Variants in DGKI observed in about 807,000 individuals in gnomAD.
The protein encoded by DGKI is DAG kinase iota.
In DGKI, 55 loss-of-function variants were observed where a neutral mutation model predicts 147.5. The ratio of observed to expected loss-of-function variants is 0.37; its 90% CI spans 0.30 to 0.47. DGKI has a LOEUF of 0.47. DGKI is among the 20% of genes least tolerant of loss of function. The pLI, the probability that DGKI is intolerant of heterozygous loss-of-function variation, is 1.00. For synonymous variants in DGKI, 469 were observed against 477.1 expected (o/e 0.98, Z 0.22); for missense variants, 1,007 against 1,323.8 (o/e 0.76, Z 3.71).
intron 20 of DGKI, among the ~76,000 whole-genome samples, chr7:137,525,349 C>A (rs527835420): frequency 6.6e-6 from 1 of 152,126 alleles, no homozygotes; most frequent in African/African-American, 2.4e-5. Context: ...GTCTTCTGGG[C>A]GGGGTATCTG....
intron 17 of DGKI, among the ~76,000 whole-genome samples, chr7:137,574,376 A>T (rs1818898134): frequency 6.6e-6 from 1 of 152,236 alleles, no homozygotes; most frequent in Non-Finnish European, 1.5e-5. Context: ...AATGAATAAA[A>T]AAGTAGACAT....
At chr7:137,603,108 C>T (rs1820051457) in intron 10 of DGKI, among the ~76,000 whole-genome samples, 1 of 152,148 alleles carries the variant, frequency 6.6e-6, no homozygotes, top group African/African-American at 2.4e-5. Flanking sequence ...TTCATTCATT[C>T]ACCTACTATG....
At chr7:137,759,169 T>G (rs1795777479) in intron 1 of DGKI, among the ~76,000 whole-genome samples, 2 of 152,304 alleles carry the variant, frequency 1.3e-5, no homozygotes, top group South Asian at 4.1e-4. Context: ...TATGTCCATG[T>G]GTATCCACTG....
chr7:137,811,602 AG>A (rs756991475), intron 1 of DGKI, among the ~76,000 whole-genome samples: 2 of 152,228 alleles, frequency 1.3e-5, no homozygotes, highest in Non-Finnish European at 2.9e-5. Flanking sequence ...ACGTAGTATA[AG>A]GGTTGTGGTG....
intron 7 of DGKI, 72 bp from the exon 8 acceptor site, chr7:137,620,012 TACACACGCAC>T: frequency 1.3e-5 from 9 of 715,024 alleles, no homozygotes; most frequent in South Asian, 1.1e-4. Flanking sequence ...GATAAATATG[TACACACGCAC>T]ACACACACAC....
At chr7:137,407,694 CG>C (rs1812009326) in intron 30 of DGKI, among the ~76,000 whole-genome samples, 180 bp downstream of exon 30, 1 of 152,104 alleles carries the variant, frequency 6.6e-6, no homozygotes, top group Non-Finnish European at 1.5e-5. Context: ...TAGGATGGCC[CG>C]TATGTGTCAG....
chr7:137,654,635 T>G (rs572312666), intron 5 of DGKI, 97 bp downstream of exon 5: 3 of 913,652 alleles, frequency 3.3e-6, no homozygotes, highest in East Asian at 4.9e-5. Flanking sequence ...CAGAAAGAGA[T>G]AGAATTTATT....
intron 30 of DGKI, among the ~76,000 whole-genome samples, chr7:137,405,033 C>T (rs978617428): frequency 4.6e-5 from 7 of 151,868 alleles, no homozygotes; most frequent in East Asian, 1.9e-4. Flanking sequence ...TATTTTTGGA[C>T]GCAGGGGAAG....
At chr7:137,420,870 T>A (rs566937069) in intron 28 of DGKI, among the ~76,000 whole-genome samples, 7 of 151,934 alleles carry the variant, frequency 4.6e-5, no homozygotes, top group Non-Finnish European at 1.0e-4. Flanking sequence ...AATACAAAAA[T>A]TAGCTGGGCA....
intron 19 of DGKI, among the ~76,000 whole-genome samples, chr7:137,564,653 T>A (rs1468171595): frequency 6.6e-6 from 1 of 152,248 alleles, no homozygotes; most frequent in Non-Finnish European, 1.5e-5. Flanking sequence ...TAATTGTCTG[T>A]TCCAGAATTT....
intron 20 of DGKI, among the ~76,000 whole-genome samples, chr7:137,548,736 G>A (rs1464057463): frequency 6.6e-6 from 1 of 152,180 alleles, no homozygotes; most frequent in South Asian, 2.1e-4. Flanking sequence ...GGGAGGCTGA[G>A]GCGGGCAGAT....
At chr7:137,812,766 T>C (rs1797628160) in intron 1 of DGKI, among the ~76,000 whole-genome samples, 2 of 152,186 alleles carry the variant, frequency 1.3e-5, no homozygotes, top group South Asian at 2.1e-4. Flanking sequence ...GTGGTAAATA[T>C]TTAGTCCCAA....
chr7:137,381,904 G>A lies in DGKI; in HGVS notation c.*9316C>T, dbSNP rs961650544. The A allele has an allele frequency of 6.6e-6, 1 of 152,074 alleles. No individual in the cohort carries two copies. The highest frequency in any genetic ancestry group is 1.5e-5 in the Non-Finnish European group (1 of 67,994). 9.4% of individuals were successfully genotyped at this position (152,074 alleles called of 1,614,324 possible). On this transcript the variant is annotated 3_prime_UTR_variant, in exon 33 of 33. Transcript: ENST00000614521. ...CCCAACTTATAATCGGTAAGTCAGG[G>A]AGAGCATCAAAGTTCTACTTGCATT...
At chr7:137,444,927 T>C (rs1268552653) in intron 27 of DGKI, among the ~76,000 whole-genome samples, 1 of 152,194 alleles carries the variant, frequency 6.6e-6, no homozygotes, top group Non-Finnish European at 1.5e-5. Flanking sequence ...TATAACATTA[T>C]ATTCAGAGTT....
At chr7:137,535,942 G>C (rs1817504111) in intron 20 of DGKI, among the ~76,000 whole-genome samples, 1 of 151,982 alleles carries the variant, frequency 6.6e-6, no homozygotes, top group South Asian at 2.1e-4. Context: ...TTACTTAGTG[G>C]TGCTATTTTT....
intron 21 of DGKI, among the ~76,000 whole-genome samples, chr7:137,506,369 T>C (rs1323859771): frequency 1.3e-5 from 2 of 152,188 alleles, no homozygotes; most frequent in African/African-American, 2.4e-5. Context: ...ACATGATGTA[T>C]AATTCCAATT....
Position 137,678,541 on chromosome 7 carries a change from C to A in DGKI, c.606+16G>T. The A allele has an allele frequency of 6.2e-7, 1 of 1,612,834 alleles. No individual in the cohort carries two copies. The highest frequency in any genetic ancestry group is 2.2e-5 in the East Asian group (1 of 44,876). On this transcript the variant is annotated intron_variant, in intron 3 of 32. Transcript: ENST00000614521. ...ATCCACAGGCCTTCCCCCAGCAAGACGGAGCGCACACTCACTGCAAATCTG... is the reference window on the plus strand; with the variant it reads ...ATCCACAGGCCTTCCCCCAGCAAGAAGGAGCGCACACTCACTGCAAATCTG...
intron 28 of DGKI, among the ~76,000 whole-genome samples, chr7:137,442,902 G>A (rs930986361): frequency 6.6e-6 from 1 of 152,174 alleles, no homozygotes; most frequent in African/African-American, 2.4e-5. Flanking sequence ...CTAGAATGTA[G>A]AAAAATATTA....
At chr7:137,553,597 A>G (rs1646377) in intron 19 of DGKI, among the ~76,000 whole-genome samples, 16,624 of 152,238 alleles carry the variant, frequency 0.11, 2,047 homozygotes, top group African/African-American at 0.3. Flanking sequence ...TAGGAAATAA[A>G]AGAAAAATCA....
Sources: allele counts gnomAD v4.1 joint callset (sites outside exome capture counted in the v4.1 genomes callset), GRCh38; gene constraint gnomAD v4.1.1; transcripts MANE v1.5; gene names NCBI Gene and HGNC (gene_info 2026-07-23, HGNC 2026-07-21).